The following ALK variants were observed in gnomAD, a reference collection of about 807,000 sequenced individuals.
ALK encodes ALK tyrosine kinase receptor.
ALK carries 74 observed loss-of-function variants against 163.1 expected under a neutral mutation model. That is an observed-to-expected ratio of 0.45 (90% CI 0.38 to 0.55). ALK has a LOEUF of 0.55. Among genes scored for constraint, ALK ranks in the 20% least tolerant of loss-of-function variants. The probability of loss-of-function intolerance (pLI) is 0.00; values close to 1 mark genes in which losing one functional copy is unlikely to be tolerated. For synonymous variants in ALK, 960 were observed against 843.2 expected, an observed-to-expected ratio of 1.14 and a Z score of -2.40; for missense variants, 2,063 against 2,105.3, an observed-to-expected ratio of 0.98 and a Z score of 0.39.
At chr2:29,825,318 T>G (rs187270226) in intron 1 of ALK, among the ~76,000 whole-genome samples, 3 of 152,372 alleles carry the variant, frequency 2.0e-5, no homozygotes, top group Admixed American at 6.5e-5. Context: ...ATGTATTAAG[T>G]GCCTATTGTG....
chr2:29,808,813 T>C (rs891590622), intron 1 of ALK, among the ~76,000 whole-genome samples: 4 of 152,194 alleles, frequency 2.6e-5, no homozygotes, highest in Admixed American at 6.5e-5. Flanking sequence ...CCATACACAA[T>C]TGCATCTTGA....
At chr2:29,508,293 G>C (rs1050094445) in intron 4 of ALK, among the ~76,000 whole-genome samples, 5 of 152,186 alleles carry the variant, frequency 3.3e-5, no homozygotes, top group Non-Finnish European at 7.3e-5. Flanking sequence ...GGTCTGTTCA[G>C]AGCAGTATAG....
At chr2:29,195,809 G>C (rs1669008334) in intron 28 of ALK, among the ~76,000 whole-genome samples, 4 of 152,152 alleles carry the variant, frequency 2.6e-5, no homozygotes, top group Admixed American at 2.0e-4. Flanking sequence ...GGCAGAACGA[G>C]AACCAAGAGA....
intron 1 of ALK, among the ~76,000 whole-genome samples, chr2:29,807,052 T>C (rs188126564): frequency 6.6e-6 from 1 of 152,352 alleles, no homozygotes; most frequent in Admixed American, 6.5e-5. Context: ...GAGCAATCCT[T>C]AGCAAGGATT....
chr2:29,593,458 C>G (rs1675118851), intron 3 of ALK, among the ~76,000 whole-genome samples: 1 of 152,208 alleles, frequency 6.6e-6, no homozygotes, highest in Non-Finnish European at 1.5e-5. Context: ...CTTAGAGACC[C>G]TGTCCCCTTT....
chr2:29,685,829 G>A (rs979406594), intron 3 of ALK, among the ~76,000 whole-genome samples: 3 of 152,210 alleles, frequency 2.0e-5, no homozygotes, highest in African/African-American at 7.2e-5. Flanking sequence ...TTCTGAATGA[G>A]CTTCTGGGTA....
At chr2:29,303,904 A>G (rs543324723) in intron 8 of ALK, among the ~76,000 whole-genome samples, 4 of 152,320 alleles carry the variant, frequency 2.6e-5, no homozygotes, top group African/African-American at 9.6e-5. Flanking sequence ...TAGGGGGAAA[A>G]GGACGAAAAA....
intron 3 of ALK, among the ~76,000 whole-genome samples, chr2:29,583,169 A>G (rs979175883): frequency 6.6e-6 from 1 of 151,824 alleles, no homozygotes; most frequent in Non-Finnish European, 1.5e-5. Context: ...GTGAGTCACC[A>G]TGCCCAGCCC....
chr2:29,532,723 G>A (rs559994190), intron 3 of ALK, among the ~76,000 whole-genome samples: 99 of 152,274 alleles, frequency 6.5e-4, no homozygotes, highest in African/African-American at 2.3e-3. Context: ...AATGACCTGC[G>A]AGAAACCTAC....
In ALK at chr2:29,616,500, G is replaced by A. The variant is rs764243362; in HGVS notation, c.952+78350C>T. ...AAGGCGTCTGAAGAATTTGTAATCT[G>A]AGAGACCAAAACAGACGCCCCCTGA... is the stretch of plus-strand genomic sequence containing the variant. On this transcript the variant is annotated intron_variant, in intron 3 of 28. Coordinates refer to ENST00000389048, the MANE Select transcript of ALK (RefSeq NM_004304.5). 2.6e-5 allele frequency among the ~76,000 whole-genome samples: 4 copies of A among 152,198 alleles called. No individual in the cohort carries two copies. The South Asian group carries it at 8.3e-4, about 32-fold the overall frequency.
At chr2:29,248,521 T>G (rs1256827889) in intron 12 of ALK, among the ~76,000 whole-genome samples, 1 of 152,228 alleles carries the variant, frequency 6.6e-6, no homozygotes, top group Non-Finnish European at 1.5e-5. Flanking sequence ...TCTTCCATTT[T>G]GATATGGTCC....
intron 13 of ALK, among the ~76,000 whole-genome samples, chr2:29,234,447 C>G (rs1443712389): frequency 2.0e-5 from 3 of 152,072 alleles, no homozygotes. Context: ...AGTTTTATTC[C>G]CAGTTCTTCT....
At chr2:29,295,739 C>T (rs947952318) in intron 9 of ALK, among the ~76,000 whole-genome samples, 1 of 152,196 alleles carries the variant, frequency 6.6e-6, no homozygotes, top group Non-Finnish European at 1.5e-5. Context: ...CTCCACCTTG[C>T]CTTGAGCCCT....
At chr2:29,313,092 T>C (rs763231133) in intron 8 of ALK, among the ~76,000 whole-genome samples, 7 of 152,160 alleles carry the variant, frequency 4.6e-5, no homozygotes, top group Admixed American at 2.0e-4. Flanking sequence ...TGCTTGGCCA[T>C]GCATGGGCAG....
intron 5 of ALK, among the ~76,000 whole-genome samples, chr2:29,345,892 A>C (rs1667935541): frequency 6.6e-6 from 1 of 152,210 alleles, no homozygotes; most frequent in Non-Finnish European, 1.5e-5. Flanking sequence ...TTGGAACAGC[A>C]TAGCAAAATC....
intron 13 of ALK, among the ~76,000 whole-genome samples, chr2:29,234,838 A>G (rs974064858): frequency 6.6e-6 from 1 of 152,152 alleles, no homozygotes; most frequent in Non-Finnish European, 1.5e-5. Context: ...TCTGCCTCCC[A>G]AGCAGCTGGG....
At chr2:29,270,155 C>G (rs142534447) in intron 11 of ALK, among the ~76,000 whole-genome samples, 1 of 152,192 alleles carries the variant, frequency 6.6e-6, no homozygotes, top group Non-Finnish European at 1.5e-5. Flanking sequence ...AGAGATCCCT[C>G]TCGAAGACCT....
Position 29,232,433 on chromosome 2 carries a change from G to A in ALK, c.2503C>T (p.Pro835Ser), listed in dbSNP as rs763771560. 57 of 1,614,154 alleles carry A rather than the reference G, an allele frequency of 3.5e-5. No homozygotes were observed. The highest frequency in any genetic ancestry group is 4.4e-5 in the Non-Finnish European group (52 of 1,180,052). ...CCGGCTGCAATGATCAGGGGCACCG[G>A]CACTCCATCCTTCATCTGACCAGGG... is the stretch of plus-strand genomic sequence containing the variant. ...TYVFKMKDGV[P>S]VPLIIAAGGG... The change falls in exon 15 of 29, where the codon CCG (proline) becomes TCG (serine). Residue 835 changes from proline to serine, a missense_variant. Physicochemically the swap from Pro to Ser is moderately conservative, Grantham distance 74. This residue lies in a region of ALK where 575 missense variants were observed against 626.6 expected (regional missense o/e 0.92). Transcript: ENST00000389048.
intron 3 of ALK, among the ~76,000 whole-genome samples, chr2:29,578,555 G>T (rs6547954): frequency 6.6e-6 from 1 of 152,126 alleles, no homozygotes; most frequent in African/African-American, 2.4e-5. Flanking sequence ...AGGGCCCTCA[G>T]GGCCTGTTTG....
Sources: gnomAD v4.1 joint callset for allele counts (sites outside exome capture counted in the v4.1 genomes callset) on GRCh38, gnomAD v4.1.1 for gene constraint, gnomAD v4.1.1 regional missense constraint, MANE v1.5 for transcripts, NCBI Gene and HGNC (gene_info 2026-07-23, HGNC 2026-07-21) for gene names.